NADSYN1: variants seen among roughly 807,000 people sequenced by gnomAD.
NADSYN1 encodes NAD synthetase 1.
Under a neutral mutation model 99.3 loss-of-function variants are expected in NADSYN1, and 80 were observed. The ratio of observed to expected loss-of-function variants is 0.81; its 90% CI spans 0.67 to 0.97. NADSYN1 has a LOEUF of 0.97. Ranked by LOEUF, NADSYN1 falls within the 50% of genes least tolerant of loss-of-function variation. The pLI is 0.00. For synonymous variants in NADSYN1, 385 were observed against 372.1 expected, an observed-to-expected ratio of 1.03 and a Z score of -0.40; for missense variants, 859 against 948.5, an observed-to-expected ratio of 0.91 and a Z score of 1.24.
At chr11:71,495,724 C>T (rs145193835) in intron 18 of NADSYN1, among the ~76,000 whole-genome samples, 4 of 152,356 alleles carry the variant, frequency 2.6e-5, no homozygotes, top group East Asian at 3.9e-4. Flanking sequence ...GTGCGCAACC[C>T]GTCAGGTGCT....
chr11:71,468,444 G>A (rs1194592635), intron 5 of NADSYN1, among the ~76,000 whole-genome samples: 1 of 152,128 alleles, frequency 6.6e-6, no homozygotes, highest in African/African-American at 2.4e-5. Context: ...ATCAATTTTT[G>A]ACTTTAGTTG....
At chr11:71,475,836 A>G (rs577043301) in intron 9 of NADSYN1, among the ~76,000 whole-genome samples, 1 of 152,234 alleles carries the variant, frequency 6.6e-6, no homozygotes, top group South Asian at 2.1e-4. Context: ...CAGCCTCCCA[A>G]GTAGCTGGGA....
chr11:71,475,590 A>C (rs941572019), intron 9 of NADSYN1: 1 of 160,140 alleles, frequency 6.2e-6, no homozygotes, highest in Non-Finnish European at 1.4e-5. Flanking sequence ...CTGCGGCTAA[A>C]GATGCGCATT....
At chr11:71,477,508 C>T (rs912507624) in intron 9 of NADSYN1, 43 of 1,212,928 alleles carry the variant, frequency 3.5e-5, no homozygotes, top group African/African-American at 6.2e-5. Flanking sequence ...TGTGAACCGC[C>T]GCAGTGGTGC....
chr11:71,483,084 G>T, intron 14 of NADSYN1, 67 bp downstream of exon 14: 1 of 1,569,742 alleles, frequency 6.4e-7, no homozygotes, highest in Non-Finnish European at 8.7e-7. Flanking sequence ...TGGAAGCTCC[G>T]CCTGTGAGTG....
chr11:71,453,529 C>A, intron 1 of NADSYN1, 148 bp downstream of exon 1: 1 of 695,168 alleles, frequency 1.4e-6, no homozygotes, highest in Non-Finnish European at 2.5e-6. Context: ...GGCAATGACC[C>A]CGCCAGTGGT....
At chr11:71,476,170 G>C (rs1949664138) in intron 9 of NADSYN1, 1 of 453,838 alleles carries the variant, frequency 2.2e-6, no homozygotes, top group African/African-American at 2.0e-5. Flanking sequence ...CAGACCACAC[G>C]CGGGTCCACA....
chr11:71,467,060 A>G (rs1343202899), intron 5 of NADSYN1, among the ~76,000 whole-genome samples: 1 of 152,222 alleles, frequency 6.6e-6, no homozygotes, highest in African/African-American at 2.4e-5. Flanking sequence ...CTGAGACATA[A>G]GTCCACTGCA....
intron 17 of NADSYN1, among the ~76,000 whole-genome samples, chr11:71,491,567 G>A (rs111238426): frequency 2.6e-5 from 4 of 152,140 alleles, no homozygotes; most frequent in African/African-American, 4.8e-5. Flanking sequence ...AGGTGTGCCC[G>A]GTGCCCAGTG....
rs768259316 is a variant in NADSYN1, at chr11:71,456,988, CA to C, written c.147-1439del. 1.7e-4 allele frequency among the ~76,000 whole-genome samples: 26 copies of C among 152,342 alleles called. No homozygotes were observed. In the East Asian group the frequency reaches 4.8e-3, roughly 28 times the overall value. ...AGACCCTCTCACCTAGAAAAGTCAG[CA>C]GTTTCCTTTGAGCTGGTGCTGGAAG... On this transcript the variant is annotated intron_variant, in intron 2 of 20. Coordinates refer to ENST00000319023, the MANE Select transcript of NADSYN1 (RefSeq NM_018161.5).
rs191676453 is a variant in NADSYN1, at chr11:71,461,563, G to A, written c.264-1869G>A. On this transcript the variant is annotated intron_variant, in intron 3 of 20. Coordinates refer to ENST00000319023, the MANE Select transcript of NADSYN1 (RefSeq NM_018161.5). ...CCTGCCTCAGCCTCCCAAGTAGCTGGGACTACAGGCATGCACCACCACACC... is the reference window on the plus strand; with the variant it reads ...CCTGCCTCAGCCTCCCAAGTAGCTGAGACTACAGGCATGCACCACCACACC... Among the ~76,000 whole-genome samples, 281 of 152,168 alleles carry A rather than the reference G, an allele frequency of 1.8e-3. 10 individuals are homozygous for A. In the East Asian group the frequency reaches 0.05, roughly 27 times the overall value.
At position 71,473,458 on chromosome 11, in the gene NADSYN1, G is replaced by A. The variant is rs781604852; in HGVS notation, c.548+92G>A. 71 of 1,505,546 alleles carry A rather than the reference G, an allele frequency of 4.7e-5. No individual in the cohort carries two copies. In the South Asian group the frequency reaches 5.8e-4, roughly 12 times the overall value. 93.3% of individuals were successfully genotyped at this position (1,505,546 alleles called of 1,614,324 possible). A position where few individuals can be genotyped will look rare whatever the true frequency, so the allele number is the denominator to read the frequency against. On this transcript the variant is annotated intron_variant, in intron 7 of 20. Transcript: ENST00000319023. The stretch of plus-strand genomic sequence containing the variant: ...CTGCAGACGTCCTGGGGCCGTGGCC[G>A]TGGCCGTGGCCGTGGGCTGGGAGCT...
chr11:71,470,952 C>T (rs1270049660), intron 5 of NADSYN1, among the ~76,000 whole-genome samples: 3 of 152,186 alleles, frequency 2.0e-5, no homozygotes, highest in African/African-American at 7.2e-5. Context: ...CAGTGCTCTT[C>T]ACAGGGCTCT....
At chr11:71,478,780 C>G in intron 10 of NADSYN1, 2 of 322,850 alleles carry the variant, frequency 6.2e-6, no homozygotes, top group South Asian at 7.0e-5. Flanking sequence ...CCTTGGAGCC[C>G]AGGAAGGCCT....
chr11:71,455,046 C>T, intron 1 of NADSYN1, 64 bp from the exon 2 acceptor site: 1 of 1,243,196 alleles, frequency 8.0e-7, no homozygotes, highest in Non-Finnish European at 1.2e-6. Flanking sequence ...CAGGTTGTTT[C>T]ATCTGTCTTT....
chr11:71,482,743 C>T (rs540998888), intron 13 of NADSYN1, 106 bp from the exon 14 acceptor site: 21 of 1,322,194 alleles, frequency 1.6e-5, no homozygotes, highest in South Asian at 1.5e-4. Context: ...GGGTGTAGAC[C>T]GGGGTGGAGC....
At chr11:71,476,841 C>T (rs1379720531) in intron 9 of NADSYN1, 1 of 986,004 alleles carries the variant, frequency 1.0e-6, no homozygotes, top group Non-Finnish European at 1.2e-6. Flanking sequence ...AAATCGGAGT[C>T]CTCGGGGGTC....
chr11:71,458,694 C>T, intron 3 of NADSYN1, 150 bp downstream of exon 3: 1 of 626,546 alleles, frequency 1.6e-6, no homozygotes. Context: ...GGTTTTGTTC[C>T]TATCTCAGCC....
chr11:71,474,758 T>C, intron 9 of NADSYN1: 1 of 505,644 alleles, frequency 2.0e-6, no homozygotes, highest in African/African-American at 2.0e-5. Context: ...GGGTGCTTAG[T>C]GAGGGCCCCT....
Sources: allele counts gnomAD v4.1 joint callset (sites outside exome capture counted in the v4.1 genomes callset), GRCh38; gene constraint gnomAD v4.1.1; transcripts MANE v1.5; gene names NCBI Gene and HGNC (gene_info 2026-07-23, HGNC 2026-07-21).